Variants in GAP43 observed in about 807,000 individuals in gnomAD.
GAP43 encodes growth associated protein 43.
In GAP43, 6 loss-of-function variants were observed where a neutral mutation model predicts 18.6. The observed-to-expected ratio is 0.32, with a 90% CI of 0.18 to 0.64. The LOEUF is 0.64. Among genes scored for constraint, GAP43 ranks in the 30% least tolerant of loss-of-function variants. The pLI is 0.78. For missense variants in GAP43, 292 were observed against 295.5 expected (o/e 0.99, Z 0.09); for synonymous variants, 115 against 111.4 (o/e 1.03, Z -0.20).
chr3:115,666,460 T>C (rs1708735053), intron 1 of GAP43, among the ~76,000 whole-genome samples: 1 of 152,208 alleles, frequency 6.6e-6, no homozygotes, highest in Admixed American at 6.5e-5. Flanking sequence ...CTTAACTTAA[T>C]GTCACGATGC....
intron 1 of GAP43, among the ~76,000 whole-genome samples, chr3:115,636,533 G>A (rs1027738235): frequency 1.3e-5 from 2 of 151,940 alleles, no homozygotes; most frequent in African/African-American, 4.8e-5. Flanking sequence ...ACCATCCTTG[G>A]AAGAAGAGAA....
At chr3:115,687,377 G>C (rs1709048090) in intron 2 of GAP43, among the ~76,000 whole-genome samples, 2 of 152,084 alleles carry the variant, frequency 1.3e-5, no homozygotes. Context: ...TCATATTACA[G>C]TCCTATTGTG....
intron 2 of GAP43, among the ~76,000 whole-genome samples, chr3:115,702,939 G>C (rs1709313892): frequency 6.6e-6 from 1 of 152,026 alleles, no homozygotes; most frequent in African/African-American, 2.4e-5. Context: ...AAGTCATATG[G>C]AGAAGAGTGT....
At chr3:115,656,910 C>A (rs1036164569) in intron 1 of GAP43, among the ~76,000 whole-genome samples, 4 of 152,064 alleles carry the variant, frequency 2.6e-5, no homozygotes, top group African/African-American at 9.7e-5. Flanking sequence ...GTAATAGAAC[C>A]ATTTCCTCAT....
intron 2 of GAP43, among the ~76,000 whole-genome samples, chr3:115,712,791 G>A (rs1709458226): frequency 6.6e-6 from 1 of 152,172 alleles, no homozygotes; most frequent in Non-Finnish European, 1.5e-5. Context: ...AAGTAGACAT[G>A]TAGATGGCAT....
At position 115,676,153 on chromosome 3, in the gene GAP43, T is replaced by G. The variant is rs1187065113; in HGVS notation, c.171T>G (p.Asp57Glu). The G allele has an allele frequency of 6.2e-7, 1 of 1,614,012 alleles. No individual in the cohort carries two copies. The highest frequency in any genetic ancestry group is 1.7e-5 in the Admixed American group (1 of 60,016). ...AAAAGCTCAAAGGAGAGAAGAAGGA[T>G]GATGTCCAAGCTGCTGAGGCTGAAG... ...TRKKLKGEKK[D>E]DVQAAEAEAN... The change falls in exon 2 of 3, where the codon GAT becomes GAG. Residue 57 changes from aspartate to glutamate, a missense_variant. Asp to Glu is a conservative substitution (Grantham distance 45). Coordinates refer to ENST00000305124, the MANE Select transcript of GAP43 (RefSeq NM_002045.4).
intron 1 of GAP43, among the ~76,000 whole-genome samples, chr3:115,626,353 C>T (rs1708188306): frequency 6.6e-6 from 1 of 152,118 alleles, no homozygotes; most frequent in South Asian, 2.1e-4. Flanking sequence ...ACTTGAGCGG[C>T]ATAAAGAAGC....
At chr3:115,696,292 T>C (rs1709188392) in intron 2 of GAP43, among the ~76,000 whole-genome samples, 1 of 152,188 alleles carries the variant, frequency 6.6e-6, no homozygotes, top group Non-Finnish European at 1.5e-5. Context: ...CATTTCCTGA[T>C]ACTTAGGCCA....
intron 2 of GAP43, among the ~76,000 whole-genome samples, chr3:115,689,412 A>C (rs1413621548): frequency 6.6e-6 from 1 of 152,150 alleles, no homozygotes; most frequent in Non-Finnish European, 1.5e-5. Flanking sequence ...TATGGATTGC[A>C]CCTATGGAGA....
chr3:115,624,012 T>C (rs1289435411), intron 1 of GAP43, among the ~76,000 whole-genome samples: 1 of 152,084 alleles, frequency 6.6e-6, no homozygotes, highest in East Asian at 1.9e-4. Flanking sequence ...GTCTCTGGTC[T>C]TGAGGGTGTG....
At chr3:115,660,855 C>T (rs994994520) in intron 1 of GAP43, among the ~76,000 whole-genome samples, 1 of 152,134 alleles carries the variant, frequency 6.6e-6, no homozygotes, top group African/African-American at 2.4e-5. Context: ...CATCTGTCCT[C>T]CTTGCCTTTC....
intron 2 of GAP43, among the ~76,000 whole-genome samples, chr3:115,698,132 ATAT>A (rs1709233651): frequency 5.9e-5 from 1 of 17,040 alleles, no homozygotes; most frequent in Non-Finnish European, 1.5e-4. Flanking sequence ...ATTATATATA[ATAT>A]ATATAATATA....
At chr3:115,667,415 C>A (rs1243338749) in intron 1 of GAP43, among the ~76,000 whole-genome samples, 1 of 152,152 alleles carries the variant, frequency 6.6e-6, no homozygotes, top group African/African-American at 2.4e-5. Context: ...CCTGCTGACT[C>A]AGACTGTAAC....
At chr3:115,716,847 T>C (rs283361) in intron 2 of GAP43, among the ~76,000 whole-genome samples, 143,563 of 144,828 alleles carry the variant, frequency 0.99, 71,175 homozygotes, top group East Asian at 1. Flanking sequence ...TCTAATCGAG[T>C]TTCATCAATT....
chr3:115,698,214 A>T (rs1224986467), intron 2 of GAP43, among the ~76,000 whole-genome samples: 2 of 48,128 alleles, frequency 4.2e-5, no homozygotes, highest in African/African-American at 1.8e-4. Flanking sequence ...ATTATATAAA[A>T]TATATAATAT....
At chr3:115,710,598 T>G (rs1709421676) in intron 2 of GAP43, among the ~76,000 whole-genome samples, 2 of 152,186 alleles carry the variant, frequency 1.3e-5, no homozygotes, top group African/African-American at 2.4e-5. Flanking sequence ...CACTAAAAAT[T>G]GTTTTGAACC....
Position 115,623,540 on chromosome 3 carries a change from G to C in GAP43, c.-150G>C. Reference sequence around the variant, plus strand: ...TGCTGCTAACTGCCCTGGTGTGTGTGAGGGAGAGAGAGGGAGGGAGGGAGA... The same window carrying C: ...TGCTGCTAACTGCCCTGGTGTGTGTCAGGGAGAGAGAGGGAGGGAGGGAGA... On this transcript the variant is annotated 5_prime_UTR_variant, in exon 1 of 3. Transcript: ENST00000305124. 5 of 857,506 alleles carry C rather than the reference G, an allele frequency of 5.8e-6. No individual in the cohort carries two copies. Among genetic ancestry groups the C allele is most frequent in the Non-Finnish European group, 9.5e-6 (5 of 527,524 alleles). 53.1% of individuals were successfully genotyped at this position (857,506 alleles called of 1,614,324 possible).
intron 2 of GAP43, among the ~76,000 whole-genome samples, chr3:115,712,366 T>C (rs1382758207): frequency 2.0e-5 from 3 of 152,204 alleles, no homozygotes; most frequent in Non-Finnish European, 4.4e-5. Context: ...GAAGGTCTCT[T>C]AATCATCTGT....
intron 1 of GAP43, among the ~76,000 whole-genome samples, chr3:115,669,717 C>T (rs1708786267): frequency 6.6e-6 from 1 of 152,142 alleles, no homozygotes; most frequent in Non-Finnish European, 1.5e-5. Flanking sequence ...AGCAGGTGGG[C>T]TGTACATGTT....
Sources: gnomAD v4.1 joint callset for allele counts (sites outside exome capture counted in the v4.1 genomes callset) on GRCh38, gnomAD v4.1.1 for gene constraint, MANE v1.5 for transcripts, NCBI Gene and HGNC (gene_info 2026-07-23, HGNC 2026-07-21) for gene names.